The following ZNF536 variants were observed in gnomAD, a reference collection of about 807,000 sequenced individuals.
The protein encoded by ZNF536 is zinc finger protein 536.
ZNF536 carries 13 observed loss-of-function variants against 84.5 expected under a neutral mutation model. The observed-to-expected ratio is 0.15, with a 90% confidence interval of 0.10 to 0.24. ZNF536 has a LOEUF of 0.24. ZNF536 is among the 10% of genes least tolerant of loss of function. The pLI, the probability that ZNF536 is intolerant of heterozygous loss-of-function variation, is 1.00. For synonymous variants in ZNF536, 811 were observed against 742.5 expected (o/e 1.09, Z -1.50); for missense variants, 1,536 against 1,747.5 (o/e 0.88, Z 2.16).
At chr19:30,450,864 G>GC (rs2052571991) in intron 2 of ZNF536, among the ~76,000 whole-genome samples, 1 of 147,756 alleles carries the variant, frequency 6.8e-6, no homozygotes, top group Admixed American at 6.8e-5. Flanking sequence ...CCCAACTCCA[G>GC]CCTTCCTTCC....
intron 1 of ZNF536, among the ~76,000 whole-genome samples, chr19:30,654,114 G>A (rs531609777): frequency 2.0e-5 from 3 of 152,240 alleles, no homozygotes; most frequent in South Asian, 2.1e-4. Flanking sequence ...TGTCGCCGAC[G>A]CTCCTTTGAA....
intron 2 of ZNF536, among the ~76,000 whole-genome samples, chr19:30,500,838 G>A (rs983151491): frequency 2.0e-5 from 3 of 152,230 alleles, no homozygotes; most frequent in African/African-American, 7.2e-5. Context: ...CAAGGGCCAC[G>A]AGTTCTTATC....
At chr19:30,582,233 G>A (rs934675009) in intron 1 of ZNF536, among the ~76,000 whole-genome samples, 5 of 152,166 alleles carry the variant, frequency 3.3e-5, no homozygotes, top group Non-Finnish European at 7.3e-5. Context: ...AAAGGGAGGA[G>A]GCCGAAGCTC....
intron 1 of ZNF536, among the ~76,000 whole-genome samples, chr19:30,593,656 G>A (rs901158727): frequency 4.1e-4 from 62 of 152,190 alleles, no homozygotes; most frequent in African/African-American, 1.5e-3. Context: ...GAGTTTTGCT[G>A]TCTTTGTTTC....
chr19:30,647,827 GC>G (rs2049533815), intron 1 of ZNF536, among the ~76,000 whole-genome samples: 1 of 152,154 alleles, frequency 6.6e-6, no homozygotes, highest in South Asian at 2.1e-4. Flanking sequence ...TGTTTTGGAT[GC>G]CCCCAGCTGT....
chr19:30,516,422 G>A (rs1054486654), intron 2 of ZNF536, among the ~76,000 whole-genome samples: 10 of 152,212 alleles, frequency 6.6e-5, no homozygotes, highest in African/African-American at 1.7e-4. Flanking sequence ...AAAGGACAAC[G>A]TTCAAGCCAA....
At chr19:30,614,061 C>T (rs906950360) in intron 1 of ZNF536, among the ~76,000 whole-genome samples, 4 of 152,148 alleles carry the variant, frequency 2.6e-5, no homozygotes, top group Non-Finnish European at 5.9e-5. Flanking sequence ...CGGGGTTTTG[C>T]CATATTGGCC....
intron 1 of ZNF536, among the ~76,000 whole-genome samples, chr19:30,610,573 C>G (rs184112269): frequency 7.2e-5 from 11 of 152,318 alleles, no homozygotes; most frequent in Non-Finnish European, 1.3e-4. Flanking sequence ...AGAGTGGAAG[C>G]TTAGCCGTCA....
At chr19:30,695,226 T>G (rs977314023) in intron 1 of ZNF536, among the ~76,000 whole-genome samples, 1 of 152,062 alleles carries the variant, frequency 6.6e-6, no homozygotes, top group African/African-American at 2.4e-5. Context: ...AGGTGTGGCC[T>G]GCACGGAGGA....
At chr19:30,311,164 C>T (rs1442627384) in intron 2 of ZNF536, among the ~76,000 whole-genome samples, 1 of 152,146 alleles carries the variant, frequency 6.6e-6, no homozygotes, top group Non-Finnish European at 1.5e-5. Context: ...CCTCTCTGTG[C>T]TTCCTGGGGC....
intron 1 of ZNF536, among the ~76,000 whole-genome samples, chr19:30,387,899 G>A (rs1252317776): frequency 6.6e-6 from 1 of 152,158 alleles, no homozygotes; most frequent in African/African-American, 2.4e-5. Context: ...AGGTGTCCAG[G>A]CTGGTTGGTC....
intron 1 of ZNF536, among the ~76,000 whole-genome samples, chr19:30,388,464 T>A (rs1343742175): frequency 2.0e-5 from 3 of 152,192 alleles, no homozygotes; most frequent in African/African-American, 7.2e-5. Context: ...CCAGCCCTCA[T>A]GGTCCACTGG....
intron 1 of ZNF536, among the ~76,000 whole-genome samples, chr19:30,627,651 T>C (rs2048735774): frequency 6.6e-6 from 1 of 152,130 alleles, no homozygotes; most frequent in Non-Finnish European, 1.5e-5. Context: ...GACACTCAAG[T>C]TCTCTGTACA....
At chr19:30,706,355 C>T (rs2052226863) in intron 1 of ZNF536, among the ~76,000 whole-genome samples, 1 of 151,878 alleles carries the variant, frequency 6.6e-6, no homozygotes, top group East Asian at 1.9e-4. Flanking sequence ...GTCGTGGTGG[C>T]GGGTGCGTGT....
At chr19:30,265,334 C>T (rs189380537) in intron 1 of ZNF536, among the ~76,000 whole-genome samples, 48 of 152,252 alleles carry the variant, frequency 3.2e-4, no homozygotes, top group African/African-American at 1.1e-3. Flanking sequence ...GCTTAGAAGC[C>T]GCCTGATTTC....
chr19:30,521,743 C>T (rs985501325), intron 2 of ZNF536, among the ~76,000 whole-genome samples: 1 of 152,072 alleles, frequency 6.6e-6, no homozygotes, highest in Non-Finnish European at 1.5e-5. Context: ...AAATTCAAGC[C>T]CTGTATCTAG....
intron 1 of ZNF536, among the ~76,000 whole-genome samples, chr19:30,603,323 A>T (rs1270232465): frequency 2.0e-5 from 3 of 152,340 alleles, no homozygotes; most frequent in Non-Finnish European, 4.4e-5. Flanking sequence ...GGATGGACAA[A>T]TAGCAGTATT....
intron 1 of ZNF536, among the ~76,000 whole-genome samples, chr19:30,406,588 A>G (rs1794326246): frequency 6.6e-6 from 1 of 152,166 alleles, no homozygotes; most frequent in Non-Finnish European, 1.5e-5. Flanking sequence ...ATTATCTAGC[A>G]GTGATTGGGG....
At chr19:30,347,702 G>A (rs1209678400) in intron 2 of ZNF536, among the ~76,000 whole-genome samples, 1 of 152,184 alleles carries the variant, frequency 6.6e-6, no homozygotes, top group African/African-American at 2.4e-5. Context: ...ACAGGGCCAG[G>A]GGTCTCATTG....
Sources: gnomAD v4.1 joint callset for allele counts (sites outside exome capture counted in the v4.1 genomes callset) on GRCh38, gnomAD v4.1.1 for gene constraint, MANE v1.5 for transcripts, NCBI Gene and HGNC (gene_info 2026-07-23, HGNC 2026-07-21) for gene names.